The following RPA2 variants were observed in gnomAD, a reference collection of about 807,000 sequenced individuals.
The protein encoded by RPA2 is replication protein A 32 kDa subunit.
A neutral mutation model predicts 33.4 loss-of-function variants in RPA2; 22 were observed. The observed-to-expected ratio is 0.66, with a 90% CI of 0.47 to 0.94. The LOEUF (loss-of-function observed/expected upper bound fraction) is 0.94. RPA2 is among the 40% of genes least tolerant of loss of function. The pLI, the probability that RPA2 is intolerant of heterozygous loss-of-function variation, is 0.00. For missense variants in RPA2, 279 were observed against 329.9 expected, an observed-to-expected ratio of 0.85 and a Z score of 1.19; for synonymous variants, 109 against 114.9, an observed-to-expected ratio of 0.95 and a Z score of 0.33.
intron 4 of RPA2, among the ~76,000 whole-genome samples, chr1:27,899,453 G>A (rs902005769): frequency 1.5e-5 from 2 of 137,314 alleles, no homozygotes; most frequent in African/African-American, 5.4e-5. Flanking sequence ...TGCAGTGAGA[G>A]ACTGTGCCAC....
chr1:27,897,730 C>A, intron 4 of RPA2, 23 bp from the exon 5 acceptor site: 2 of 1,537,776 alleles, frequency 1.3e-6, no homozygotes, highest in Admixed American at 3.8e-5. Context: ...ACAAACATGT[C>A]ATTAAAGTTT....
rs1334092470 is a variant in RPA2, at chr1:27,914,567, C to T, written c.-124G>A. The T allele has an allele frequency of 1.9e-6, 3 of 1,611,962 alleles. No homozygotes were observed. In the East Asian group the frequency reaches 6.7e-5, roughly 36 times the overall value. On this transcript the variant is annotated 5_prime_UTR_variant, in exon 1 of 9. Transcript: ENST00000373912. The stretch of plus-strand genomic sequence containing the variant: ...TTTTCTCTGGCACCACAAACGCCTT[C>T]CCGCGAATGGCGGAGCCAGTCAGCT...
In RPA2 at chr1:27,914,536, G is replaced by C. The variant is rs548870887; in HGVS notation, c.-93C>G. ...AACGCGGCCGCCACTGCGCCGCTCT[G>C]GCTACTTTTCTCTGGCACCACAAAC... On this transcript the variant is annotated 5_prime_UTR_variant, in exon 1 of 9. Coordinates refer to ENST00000373912, the MANE Select transcript of RPA2 (RefSeq NM_002946.5). The C allele has an allele frequency of 9.3e-6, 15 of 1,609,502 alleles. No individual in the cohort carries two copies. In the African/African-American group the frequency reaches 1.9e-4, roughly 20 times the overall value.
chr1:27,909,608 G>C lies in RPA2; in HGVS notation c.118-2326C>G, dbSNP rs939249003. ...GCATGCCTGTAATCCCAGCTACTGG[G>C]GAGGCTGAGGCAGGAGAATCACTTG... On this transcript the variant is annotated intron_variant, in intron 2 of 8. Coordinates refer to ENST00000373912, the MANE Select transcript of RPA2 (RefSeq NM_002946.5). 5.9e-5 allele frequency among the ~76,000 whole-genome samples: 9 copies of C among 152,268 alleles called. No homozygotes were observed. In the South Asian group the frequency reaches 6.2e-4, roughly 11 times the overall value.
chr1:27,914,693 G>A, upstream of RPA2: 1 of 1,611,206 alleles, frequency 6.2e-7, no homozygotes, highest in Non-Finnish European at 8.5e-7. Flanking sequence ...CTCCCAGTTG[G>A]CTCCAAAAGC....
intron 8 of RPA2, 113 bp downstream of exon 8, chr1:27,893,899 A>T: frequency 4.8e-6 from 4 of 836,340 alleles, no homozygotes; most frequent in Middle Eastern, 4.5e-4. Flanking sequence ...GTGAGCCACC[A>T]TGCCCGGCTG....
intron 6 of RPA2, 78 bp from the exon 7 acceptor site, chr1:27,894,475 AGCAGCTT>A: frequency 1.6e-6 from 2 of 1,226,200 alleles, no homozygotes; most frequent in Admixed American, 2.2e-5. Flanking sequence ...TAGCTCGTTA[AGCAGCTT>A]ACAAAAAACA....
At chr1:27,902,286 C>CT (rs11384286) in intron 4 of RPA2, among the ~76,000 whole-genome samples, 53,993 of 138,936 alleles carry the variant, frequency 0.39, 10,499 homozygotes, top group East Asian at 0.52. Flanking sequence ...TTTACGTATA[C>CT]TTTTTTTTTT....
intron 4 of RPA2, among the ~76,000 whole-genome samples, chr1:27,900,459 T>C (rs2089954575): frequency 8.9e-6 from 1 of 111,774 alleles, no homozygotes; most frequent in African/African-American, 7.7e-5. Context: ...CTGCTTAAGA[T>C]TTTTTTTTTT....
chr1:27,898,342 C>T (rs1376877195), intron 4 of RPA2, among the ~76,000 whole-genome samples: 1 of 152,128 alleles, frequency 6.6e-6, no homozygotes, highest in Non-Finnish European at 1.5e-5. Context: ...GGATACTCCA[C>T]ACTGTTGCAA....
chr1:27,894,596 T>A (rs1436137041), intron 6 of RPA2, among the ~76,000 whole-genome samples, 199 bp from the exon 7 acceptor site: 1 of 152,182 alleles, frequency 6.6e-6, no homozygotes, highest in Non-Finnish European at 1.5e-5. Context: ...CCGAAGCACA[T>A]AAATATCAAA....
At chr1:27,904,234 C>A (rs1287691843) in intron 4 of RPA2, among the ~76,000 whole-genome samples, 1 of 151,860 alleles carries the variant, frequency 6.6e-6, no homozygotes, top group Non-Finnish European at 1.5e-5. Context: ...TTAGCAGTTG[C>A]ATAGCATATT....
rs6662645 is a variant in RPA2, at chr1:27,896,825, A to C, written c.525+180T>G. On this transcript the variant is annotated intron_variant, in intron 6 of 8. Transcript: ENST00000373912. ...AGGAACTCCTAATTCTGAGAGAAAC[A>C]TGAGTGTTTCATCTGGAATAAAATA... Among the ~76,000 whole-genome samples the C allele has an allele frequency of 4.4e-3, 672 of 152,316 alleles. 6 individuals are homozygous for C. The highest frequency in any genetic ancestry group is 3.9e-3 in the Non-Finnish European group (262 of 68,026).
chr1:27,892,685 C>T (rs1167566798), intron 8 of RPA2, among the ~76,000 whole-genome samples: 1 of 152,228 alleles, frequency 6.6e-6, no homozygotes, highest in African/African-American at 2.4e-5. Flanking sequence ...AAAGGAAACA[C>T]TCTGAAACCT....
chr1:27,895,695 C>T (rs929135653), intron 6 of RPA2, among the ~76,000 whole-genome samples: 1 of 152,132 alleles, frequency 6.6e-6, no homozygotes, highest in Non-Finnish European at 1.5e-5. Flanking sequence ...CGCACCACTG[C>T]ACTCCAGCCT....
chr1:27,912,618 T>G (rs1228237728), intron 2 of RPA2, among the ~76,000 whole-genome samples: 1 of 152,116 alleles, frequency 6.6e-6, no homozygotes, highest in Non-Finnish European at 1.5e-5. Context: ...TTCCTACACA[T>G]TGCCTTACTC....
intron 2 of RPA2, among the ~76,000 whole-genome samples, chr1:27,912,729 T>C (rs1306591134): frequency 6.6e-6 from 1 of 152,196 alleles, no homozygotes; most frequent in Non-Finnish European, 1.5e-5. Flanking sequence ...GAAGTCACAA[T>C]GCCAGTTAAA....
intron 4 of RPA2, among the ~76,000 whole-genome samples, chr1:27,900,802 T>C (rs1285282325): frequency 6.6e-6 from 1 of 152,078 alleles, no homozygotes; most frequent in African/African-American, 2.4e-5. Flanking sequence ...GTAGCCAGGA[T>C]TACAGGCATG....
intron 2 of RPA2, among the ~76,000 whole-genome samples, chr1:27,912,665 C>A (rs2090114109): frequency 6.6e-6 from 1 of 152,180 alleles, no homozygotes. Flanking sequence ...ATGAGTACTA[C>A]CAGTATCATC....
Sources: allele counts gnomAD v4.1 joint callset (sites outside exome capture counted in the v4.1 genomes callset), GRCh38; gene constraint gnomAD v4.1.1; transcripts MANE v1.5; gene names NCBI Gene and HGNC (gene_info 2026-07-23, HGNC 2026-07-21).